Variants in HLA-DRB1 observed in about 807,000 individuals in gnomAD.
The protein encoded by HLA-DRB1 is major histocompatibility complex, class II, DR beta 1, also known as major histocompatibility complex, class II, DR beta 1 precursor.
A neutral mutation model predicts 27.9 loss-of-function variants in HLA-DRB1; 10 were observed. The ratio of observed to expected loss-of-function variants is 0.36; its 90% CI spans 0.22 to 0.61. The LOEUF (loss-of-function observed/expected upper bound fraction) is 0.61, where lower values mean the gene tolerates loss of function less well. Among genes scored for constraint, HLA-DRB1 ranks in the 20% least tolerant of loss-of-function variants. HLA-DRB1 has a pLI of 0.73. For missense variants in HLA-DRB1, 118 were observed against 306.3 expected (o/e 0.39, Z 4.59); for synonymous variants, 57 against 126.7 (o/e 0.45, Z 3.69).
chr6:32,584,488 C>G (rs143441545), intron 1 of HLA-DRB1, 110 bp from the exon 2 acceptor site: 26,793 of 620,160 alleles, frequency 0.043, 387 homozygotes, highest in East Asian at 0.1. Context: ...GAACCTTAAC[C>G]GGCCCCACCC....
chr6:32,588,453 CAA>C (rs796115255), intron 1 of HLA-DRB1, among the ~76,000 whole-genome samples: 13,441 of 67,048 alleles, frequency 0.2, 2,957 homozygotes, highest in Middle Eastern at 0.51. Context: ...GGCCCTACCT[CAA>C]AAAGAGAAAA....
At chr6:32,582,724 A>T (rs9269861) in intron 2 of HLA-DRB1, among the ~76,000 whole-genome samples, 8,540 of 63,294 alleles carry the variant, frequency 0.13, 772 homozygotes, top group East Asian at 0.22. Context: ...CAACACAAGC[A>T]TAATTATTAT....
In HLA-DRB1 at chr6:32,588,957, C is replaced by T. The variant is rs1345472263; in HGVS notation, c.100+686G>A. ...GAGGATGCCTTAAGTTCTTTAGGCA[C>T]CAAAGAATACCTCATAAATGCTCTG... On this transcript the variant is annotated intron_variant, in intron 1 of 5. Transcript: ENST00000360004. Among the ~76,000 whole-genome samples the T allele has an allele frequency of 2.6e-5, 3 of 116,502 alleles. 1 individual carries two copies. The highest frequency in any genetic ancestry group is 9.4e-5 in the African/African-American group (3 of 32,042). The allele number at this position is 116,502 out of a possible 152,430, so 76.4% of individuals were successfully genotyped here.
At chr6:32,584,504 G>C (rs28724113) in intron 1 of HLA-DRB1, 126 bp from the exon 2 acceptor site, 7,911 of 572,890 alleles carry the variant, frequency 0.014, 10 homozygotes, top group East Asian at 0.027. Context: ...CACCCGCAAC[G>C]CCCACCACCT....
chr6:32,583,159 A>C (rs9269882), intron 2 of HLA-DRB1, among the ~76,000 whole-genome samples: 194 of 56,532 alleles, frequency 3.4e-3, no homozygotes, highest in Middle Eastern at 0.011. Context: ...ATTGTCCATT[A>C]CCTACCAAAT....
In HLA-DRB1 at chr6:32,584,639, C is replaced by T. The variant is rs34951355; in HGVS notation, c.101-261G>A. 2.6e-4 allele frequency among the ~76,000 whole-genome samples: 37 copies of T among 142,274 alleles called. 2 individuals carry two copies. The highest frequency in any genetic ancestry group is 8.6e-4 in the African/African-American group (33 of 38,582). The allele number at this position is 142,274 out of a possible 152,430, so 93.3% of individuals were successfully genotyped here. On this transcript the variant is annotated intron_variant, in intron 1 of 5. Transcript: ENST00000360004. Reference sequence around the variant, plus strand: ...CCCTGCCTCCAGCCTGTTCTGGAGACCTCCAAGCAGGAGCTGGAGGAGGAT... The same window carrying T: ...CCCTGCCTCCAGCCTGTTCTGGAGATCTCCAAGCAGGAGCTGGAGGAGGAT...
intron 1 of HLA-DRB1, among the ~76,000 whole-genome samples, chr6:32,589,212 G>GGA: frequency 1.0e-5 from 1 of 96,116 alleles, no homozygotes; most frequent in African/African-American, 4.5e-5. Flanking sequence ...AAGGTCCTGT[G>GGA]GGGAACCTAA....
intron 1 of HLA-DRB1, among the ~76,000 whole-genome samples, chr6:32,589,436 G>GTAGGCCCTTTACACAAA (rs1777031764): frequency 1.6e-5 from 1 of 64,274 alleles, no homozygotes; most frequent in Non-Finnish European, 3.1e-5. Context: ...AATGATTTGT[G>GTAGGCCCTTTACACAAA]CAAAGGCCCC....
rs9270270 is a variant in HLA-DRB1, at chr6:32,589,431, T to C, written c.100+212A>G. Among the ~76,000 whole-genome samples, 37,840 of 57,886 alleles carry C rather than the reference T, an allele frequency of 0.65. 12,245 individuals are homozygous for C. The highest frequency in any genetic ancestry group is 0.78 in the Middle Eastern group (76 of 98). 38.0% of individuals were successfully genotyped at this position (57,886 alleles called of 152,430 possible). A position where few individuals can be genotyped will look rare whatever the true frequency, so the allele number is the denominator to read the frequency against. ...TTGGTGGAGATTTGAAAAGAAATGA[T>C]TTGTGCAAAGGCCCCTTACACAAGT... On this transcript the variant is annotated intron_variant, in intron 1 of 5. Coordinates refer to ENST00000360004, the Ensembl canonical transcript of HLA-DRB1.
intron 1 of HLA-DRB1, among the ~76,000 whole-genome samples, chr6:32,587,720 A>G (rs1299403120): frequency 2.5e-5 from 2 of 78,692 alleles, no homozygotes; most frequent in Non-Finnish European, 5.0e-5. Context: ...AGGTGAATCC[A>G]TGTCTCTCTT....
chr6:32,580,881 G>A (rs1366584911), intron 3 of HLA-DRB1, 25 bp from the exon 4 acceptor site: 4 of 559,234 alleles, frequency 7.2e-6, no homozygotes, highest in Non-Finnish European at 1.0e-5. Context: ...CAGGTTTAGT[G>A]ATGTTTATTC....
At chr6:32,589,302 A>G (rs6935090) in intron 1 of HLA-DRB1, among the ~76,000 whole-genome samples, 5 of 141,516 alleles carry the variant, frequency 3.5e-5, no homozygotes, top group African/African-American at 1.3e-4. Flanking sequence ...TTTGTCTGAC[A>G]TAAGTCAACA....
chr6:32,585,223 C>A (rs1234932870), intron 1 of HLA-DRB1, among the ~76,000 whole-genome samples: 156 of 82,674 alleles, frequency 1.9e-3, no homozygotes, highest in East Asian at 6.1e-3. Context: ...GCAGCCCTTG[C>A]ATTTCTGTCC....
At chr6:32,588,059 G>T (rs1776764598) in intron 1 of HLA-DRB1, among the ~76,000 whole-genome samples, 1 of 139,360 alleles carries the variant, frequency 7.2e-6, no homozygotes, top group African/African-American at 2.8e-5. Context: ...TCCTCCCAGT[G>T]ATAAATACAG....
At chr6:32,586,191 T>C (rs1776362921) in intron 1 of HLA-DRB1, among the ~76,000 whole-genome samples, 1 of 129,898 alleles carries the variant, frequency 7.7e-6, no homozygotes, top group African/African-American at 2.9e-5. Context: ...CCTCCTTCTC[T>C]TCAGCTTCTT....
At chr6:32,587,045 C>A (rs370405763) in intron 1 of HLA-DRB1, among the ~76,000 whole-genome samples, 1 of 70,214 alleles carries the variant, frequency 1.4e-5, no homozygotes, top group Non-Finnish European at 2.9e-5. Flanking sequence ...CACTAGTGAA[C>A]CCCAACAATC....
chr6:32,589,455 G>A (rs28357085), intron 1 of HLA-DRB1, among the ~76,000 whole-genome samples, 188 bp downstream of exon 1: 17,874 of 66,438 alleles, frequency 0.27, 2,640 homozygotes, highest in East Asian at 0.34. Context: ...CCTTACACAA[G>A]TCTCATGAAG....
intron 1 of HLA-DRB1, among the ~76,000 whole-genome samples, chr6:32,584,789 T>C (rs2150787442): frequency 9.6e-6 from 1 of 104,530 alleles, no homozygotes; most frequent in East Asian, 2.7e-4. Flanking sequence ...TGTGAACACT[T>C]CCTTAGTGAT....
intron 3 of HLA-DRB1, among the ~76,000 whole-genome samples, 194 bp downstream of exon 3, chr6:32,581,359 AGGCG>A (rs1775454602): frequency 1.2e-4 from 11 of 94,854 alleles, no homozygotes; most frequent in East Asian, 5.8e-4. Context: ...CCCGCCTGGC[AGGCG>A]AGACTGCTTC....
Sources: gnomAD v4.1 joint callset for allele counts (sites outside exome capture counted in the v4.1 genomes callset) on GRCh38, gnomAD v4.1.1 for gene constraint, MANE v1.5 for transcripts, NCBI Gene and HGNC (gene_info 2026-07-23, HGNC 2026-07-21) for gene names.